The following RGS6 variants were observed in gnomAD, a reference collection of about 807,000 sequenced individuals.
The protein encoded by RGS6 is regulator of G protein signaling 6.
RGS6 carries 30 observed loss-of-function variants against 78.5 expected under a neutral mutation model. The observed-to-expected ratio is 0.38, with a 90% CI of 0.29 to 0.52. The LOEUF is 0.52. Ranked by LOEUF, RGS6 falls within the 20% of genes least tolerant of loss-of-function variation. The pLI is 0.85. For synonymous variants in RGS6, 206 were observed against 206.0 expected (o/e 1.00, Z 0.00); for missense variants, 495 against 609.7 (o/e 0.81, Z 1.98).
intron 2 of RGS6, among the ~76,000 whole-genome samples, chr14:72,046,136 G>A (rs149648244): frequency 1.7e-4 from 26 of 151,438 alleles, no homozygotes; most frequent in African/African-American, 3.4e-4. Flanking sequence ...CCCTAGGAGC[G>A]TCTCCCCCAT....
At chr14:72,301,956 G>A (rs948535910) in intron 2 of RGS6, among the ~76,000 whole-genome samples, 1 of 152,114 alleles carries the variant, frequency 6.6e-6, no homozygotes, top group Admixed American at 6.5e-5. Flanking sequence ...ATGAATTTTG[G>A]GGGACATGAT....
At chr14:72,007,666 T>TTA (rs2084839752) in intron 2 of RGS6, among the ~76,000 whole-genome samples, 1 of 152,172 alleles carries the variant, frequency 6.6e-6, no homozygotes, top group Non-Finnish European at 1.5e-5. Context: ...AGCCAAAAGA[T>TTA]TAGACACCCT....
At chr14:72,097,852 G>T (rs1286946829) in intron 2 of RGS6, among the ~76,000 whole-genome samples, 2 of 152,116 alleles carry the variant, frequency 1.3e-5, no homozygotes, top group Admixed American at 6.5e-5. Context: ...GCTCCTTAGT[G>T]GCAGGGACCA....
intron 2 of RGS6, among the ~76,000 whole-genome samples, chr14:72,287,954 T>C (rs2062886991): frequency 6.6e-6 from 1 of 152,238 alleles, no homozygotes; most frequent in Non-Finnish European, 1.5e-5. Context: ...CACTTGGTCA[T>C]GGTGTATGGT....
At chr14:72,486,788 G>T (rs576876577) in intron 12 of RGS6, among the ~76,000 whole-genome samples, 15 of 152,206 alleles carry the variant, frequency 9.9e-5, no homozygotes, top group African/African-American at 3.6e-4. Flanking sequence ...CAGGCATAAG[G>T]CACCTCCAGC....
chr14:72,518,932 A>G (rs1039275528), intron 15 of RGS6, among the ~76,000 whole-genome samples: 1 of 151,906 alleles, frequency 6.6e-6, no homozygotes, highest in African/African-American at 2.4e-5. Flanking sequence ...CCACACTGAT[A>G]ACCACCTCTC....
the RGS6 span, among the ~76,000 whole-genome samples, chr14:72,617,781 G>A: frequency 4.6e-5 from 7 of 152,302 alleles, no homozygotes; most frequent in South Asian, 8.3e-4. Flanking sequence ...GAGTCTCCGG[G>A]AGCGTCCTCA....
At chr14:72,333,153 C>T (rs1212433508) in intron 2 of RGS6, among the ~76,000 whole-genome samples, 10 of 151,748 alleles carry the variant, frequency 6.6e-5, no homozygotes. Context: ...CCTACCTCAT[C>T]TATCCCTTCT....
chr14:72,070,495 C>T (rs74060612), intron 2 of RGS6, among the ~76,000 whole-genome samples: 276 of 152,274 alleles, frequency 1.8e-3, no homozygotes, highest in African/African-American at 6.2e-3. Context: ...AGGCAAGTTT[C>T]CTTGCACTCC....
intron 2 of RGS6, among the ~76,000 whole-genome samples, chr14:72,063,154 G>A (rs190009680): frequency 3.1e-4 from 47 of 152,246 alleles, no homozygotes; most frequent in African/African-American, 5.1e-4. Flanking sequence ...GGAGGGTACC[G>A]AGAGGAGAAA....
intron 3 of RGS6, among the ~76,000 whole-genome samples, chr14:72,407,790 T>C (rs2093057418): frequency 6.6e-6 from 1 of 152,252 alleles, no homozygotes; most frequent in Non-Finnish European, 1.5e-5. Flanking sequence ...GATCATCTCA[T>C]GGCCTCTCAA....
At chr14:71,993,128 C>T (rs2095038214) in intron 2 of RGS6, among the ~76,000 whole-genome samples, 1 of 152,184 alleles carries the variant, frequency 6.6e-6, no homozygotes, top group African/African-American at 2.4e-5. Flanking sequence ...AATTAGACTC[C>T]TGGAATTGAA....
intron 2 of RGS6, among the ~76,000 whole-genome samples, chr14:72,110,228 C>T (rs1381089449): frequency 2.0e-5 from 3 of 152,222 alleles, no homozygotes; most frequent in Admixed American, 2.0e-4. Flanking sequence ...GCATTGTCCT[C>T]ATCTCTAGTT....
the RGS6 span, among the ~76,000 whole-genome samples, chr14:72,571,769 T>C: frequency 3.3e-5 from 5 of 151,780 alleles, no homozygotes; most frequent in African/African-American, 1.2e-4. Flanking sequence ...GTTTCTTAGG[T>C]AAAACACTAA....
chr14:72,217,403 G>A (rs1371220506), intron 2 of RGS6, among the ~76,000 whole-genome samples: 1 of 152,118 alleles, frequency 6.6e-6, no homozygotes, highest in African/African-American at 2.4e-5. Flanking sequence ...CTCACAGTGT[G>A]GTAAGAAGAC....
intron 2 of RGS6, among the ~76,000 whole-genome samples, chr14:72,107,556 G>A (rs1487573726): frequency 6.6e-6 from 1 of 152,054 alleles, no homozygotes; most frequent in Non-Finnish European, 1.5e-5. Context: ...CTACTGACTT[G>A]ATTCTTTTTT....
chr14:72,410,311 A>C (rs1248649085), intron 3 of RGS6, among the ~76,000 whole-genome samples: 1 of 152,172 alleles, frequency 6.6e-6, no homozygotes, highest in Non-Finnish European at 1.5e-5. Flanking sequence ...CATTTCTCTG[A>C]TGGCCAGTGA....
intron 2 of RGS6, among the ~76,000 whole-genome samples, chr14:71,984,172 A>G (rs915420915): frequency 6.6e-6 from 1 of 152,116 alleles, no homozygotes; most frequent in African/African-American, 2.4e-5. Flanking sequence ...TTCACCCTAT[A>G]TTACAGATAA....
intron 2 of RGS6, among the ~76,000 whole-genome samples, chr14:72,061,054 T>C (rs1484795411): frequency 6.6e-6 from 1 of 152,198 alleles, no homozygotes; most frequent in Non-Finnish European, 1.5e-5. Context: ...AGGATTGCAC[T>C]TTCCCTCCTC....
Sources: gnomAD v4.1 joint callset for allele counts (sites outside exome capture counted in the v4.1 genomes callset) on GRCh38, gnomAD v4.1.1 for gene constraint, MANE v1.5 for transcripts, NCBI Gene and HGNC (gene_info 2026-07-23, HGNC 2026-07-21) for gene names.